Variants in MAN1B1 observed in about 807,000 individuals in gnomAD.
The protein encoded by MAN1B1 is endoplasmic reticulum mannosyl-oligosaccharide 1,2-alpha-mannosidase.
In MAN1B1, 66 loss-of-function variants were observed where a neutral mutation model predicts 75.5. The ratio of observed to expected loss-of-function variants is 0.87; its 90% CI spans 0.72 to 1.07. MAN1B1 has a LOEUF of 1.07. MAN1B1 is among the 50% of genes least tolerant of loss of function. The pLI, the probability that MAN1B1 is intolerant of heterozygous loss-of-function variation, is 0.00. For missense variants in MAN1B1, 973 were observed against 912.5 expected (o/e 1.07, Z -0.85); for synonymous variants, 453 against 382.8 (o/e 1.18, Z -2.14).
Position 137,101,512 on chromosome 9 carries a change from C to T in MAN1B1, c.1094C>T (p.Ala365Val). The change falls in exon 8 of 13, where the codon GCC becomes GTC. Residue 365 changes from alanine to valine, a missense_variant. By Grantham distance (64) the Ala-to-Val change is moderately conservative. Transcript: ENST00000371589. Reference protein sequence around the residue: ...AEDFGNRLMPAFRTPSKIPYS... With the variant: ...AEDFGNRLMPVFRTPSKIPYS... ...GATTTTGGAAATCGGCTAATGCCTG[C>T]CTTCAGAACACCATCCAAGATTCCT... 2 of 1,613,900 alleles carry T rather than the reference C, an allele frequency of 1.2e-6. No homozygotes were observed. The highest frequency in any genetic ancestry group is 2.7e-5 in the African/African-American group (2 of 75,032).
chr9:137,089,080 A>C (rs1253926048), intron 3 of MAN1B1, 75 bp downstream of exon 3: 6 of 1,565,362 alleles, frequency 3.8e-6, no homozygotes, highest in Non-Finnish European at 5.3e-6. Flanking sequence ...AAGATTGAGA[A>C]GAATTATTTT....
Position 137,108,767 on chromosome 9 carries a change from C to A in MAN1B1, c.*176C>A. On this transcript the variant is annotated 3_prime_UTR_variant, in exon 13 of 13. Coordinates refer to ENST00000371589, the MANE Select transcript of MAN1B1 (RefSeq NM_016219.5). Reference sequence around the variant, plus strand: ...AGGACACCGTGAGGACAAGTGAGGCCGTCAGTCTTGGTGTGATGCGGGGTG... The same window carrying A: ...AGGACACCGTGAGGACAAGTGAGGCAGTCAGTCTTGGTGTGATGCGGGGTG... The A allele has an allele frequency of 1.4e-6, 1 of 719,704 alleles. No homozygotes were observed. The allele number at this position is 719,704 out of a possible 1,614,324, so 44.6% of individuals were successfully genotyped here. A position where few individuals can be genotyped will look rare whatever the true frequency, so the allele number is the denominator to read the frequency against.
At chr9:137,089,088 T>G in intron 3 of MAN1B1, 83 bp downstream of exon 3, 1 of 1,547,346 alleles carries the variant, frequency 6.5e-7, no homozygotes, top group South Asian at 1.1e-5. Context: ...GAAGAATTAT[T>G]TTCCTTTACC....
At chr9:137,096,150 G>A in intron 3 of MAN1B1, 87 bp from the exon 4 acceptor site, 1 of 1,396,636 alleles carries the variant, frequency 7.2e-7, no homozygotes, top group African/African-American at 1.4e-5. Flanking sequence ...TGTGAGGTGT[G>A]GGCTGCACCT....
At position 137,102,969 on chromosome 9, in the gene MAN1B1, T is replaced by C. The variant is rs1328645156; in HGVS notation, c.1254+1297T>C. Reference sequence around the variant, plus strand: ...GTGGTGTTACACACATTCACGCTTTTGCAGGCGTGCAGGTCGGTGGTCTTA... The same window carrying C: ...GTGGTGTTACACACATTCACGCTTTCGCAGGCGTGCAGGTCGGTGGTCTTA... On this transcript the variant is annotated intron_variant, in intron 8 of 12. Transcript: ENST00000371589. 6 of 426,560 alleles carry C rather than the reference T, an allele frequency of 1.4e-5. No individual in the cohort carries two copies. In the East Asian group the frequency reaches 4.6e-4, roughly 33 times the overall value. The allele number at this position is 426,560 out of a possible 1,614,324, so 26.4% of individuals were successfully genotyped here. A position where few individuals can be genotyped will look rare whatever the true frequency, so the allele number is the denominator to read the frequency against.
At chr9:137,106,061 C>T (rs1661466775) in intron 8 of MAN1B1, 64 bp from the exon 9 acceptor site, 2 of 1,349,014 alleles carry the variant, frequency 1.5e-6, no homozygotes, top group Non-Finnish European at 1.1e-6. Context: ...CACAGAGCCC[C>T]TCTACAGCTC....
intron 7 of MAN1B1, 128 bp downstream of exon 7, chr9:137,101,281 A>T: frequency 4.5e-6 from 6 of 1,335,542 alleles, no homozygotes; most frequent in Non-Finnish European, 6.4e-6. Context: ...TCTGTTTCTG[A>T]GCTCATATTC....
chr9:137,108,540 C>T lies in MAN1B1; in HGVS notation c.2049C>T (p.Ala683=). 8 of 1,613,952 alleles carry T rather than the reference C, an allele frequency of 5.0e-6. No individual in the cohort carries two copies. The highest frequency in any genetic ancestry group is 6.8e-6 in the Non-Finnish European group (8 of 1,180,002). ...SDDPNLLSLD[A]YVFNTEAHPL... ...ACCCAAACCTGCTCAGCCTGGATGC[C>T]TACGTGTTCAACACCGAAGCCCACC... Residue 683 remains alanine (A), a synonymous_variant, in exon 13 of 13, where the codon GCC becomes GCT. Coordinates refer to ENST00000371589, the MANE Select transcript of MAN1B1 (RefSeq NM_016219.5).
rs147577332 is a variant in MAN1B1 at position 137,097,914 on chromosome 9, C to T, written c.707C>T (p.Pro236Leu). 2.5e-4 allele frequency: 394 copies of T among 1,558,944 alleles called. 1 individual carries two copies. The African/African-American group carries it at 4.1e-3, about 16-fold the overall frequency. The stretch of plus-strand genomic sequence containing the variant: ...GTGCCCACCAAGCCTCCCCTGCCAC[C>T]GGCCAGGACACAGGGCACACCAGGT... ...AEVPTKPPLP[P>L]ARTQGTPVHL... Residue 236 changes from proline to leucine, a missense_variant, in exon 5 of 13, where the codon CCG (proline) becomes CTG (leucine). Transcript: ENST00000371589.
chr9:137,108,398 G>A lies in MAN1B1; in HGVS notation c.1907G>A (p.Gly636Asp), dbSNP rs1288861869. ...CTGGCTGCTGCACAGGTCCCCTCGGGTGGCTATTCTTCCATCAACAATGTC... is the reference window on the plus strand; with the variant it reads ...CTGGCTGCTGCACAGGTCCCCTCGGATGGCTATTCTTCCATCAACAATGTC... ...SFSRFTRVPS[G>D]GYSSINNVQD... The change falls in exon 13 of 13, where the codon GGT becomes GAT. Residue 636 changes from glycine to aspartate, a missense_variant. Physicochemically the swap from Gly to Asp is moderately conservative, Grantham distance 94. Coordinates refer to ENST00000371589, the MANE Select transcript of MAN1B1 (RefSeq NM_016219.5). The A allele has an allele frequency of 1.2e-6, 2 of 1,613,546 alleles. No individual in the cohort carries two copies. The highest frequency in any genetic ancestry group is 1.7e-6 in the Non-Finnish European group (2 of 1,179,998).
intron 3 of MAN1B1, among the ~76,000 whole-genome samples, chr9:137,095,024 C>T (rs925340594): frequency 5.3e-5 from 8 of 149,846 alleles, no homozygotes; most frequent in Non-Finnish European, 1.2e-4. Context: ...CCCATTTCTA[C>T]TAAAGATACA....
intron 3 of MAN1B1, among the ~76,000 whole-genome samples, chr9:137,093,792 C>G (rs1423667574): frequency 1.7e-4 from 26 of 151,922 alleles, no homozygotes; most frequent in Admixed American, 1.7e-3. Context: ...CGAGATCGCG[C>G]CACTGCACTC....
chr9:137,088,146 ACTC>A lies in MAN1B1; in HGVS notation c.295_297del (p.Leu99del). The A allele has an allele frequency of 6.2e-7, 1 of 1,613,902 alleles. No individual in the cohort carries two copies. The highest frequency in any genetic ancestry group is 8.5e-7 in the Non-Finnish European group (1 of 1,180,006). On this transcript the variant is annotated inframe_deletion, in exon 2 of 13. Coordinates refer to ENST00000371589, the MANE Select transcript of MAN1B1 (RefSeq NM_016219.5). Reference sequence around the variant, plus strand: ...TCCTTGCCTTTCTGCTTTTCTGTGGACTCCTCTTCTACATCAACTTGGCTGACC... The same window carrying A: ...TCCTTGCCTTTCTGCTTTTCTGTGGACTCTTCTACATCAACTTGGCTGACC...
rs781106572 is a variant in MAN1B1, at chr9:137,101,777, G to GT, written c.1254+111dup. The GT allele has an allele frequency of 1.3e-5, 17 of 1,330,130 alleles. No individual in the cohort carries two copies. In the African/African-American group the frequency reaches 2.0e-4, roughly 16 times the overall value. The allele number at this position is 1,330,130 out of a possible 1,614,324, so 82.4% of individuals were successfully genotyped here. On this transcript the variant is annotated intron_variant, in intron 8 of 12. Coordinates refer to ENST00000371589, the MANE Select transcript of MAN1B1 (RefSeq NM_016219.5). ...TGTGTATGTGCATGTGTGTTTTCAG[G>GT]TTTTTTACTGTGATAAAACACACAA...
chr9:137,091,797 A>G (rs1830524636), intron 3 of MAN1B1, among the ~76,000 whole-genome samples: 2 of 150,980 alleles, frequency 1.3e-5, no homozygotes, highest in African/African-American at 2.4e-5. Context: ...AAGTGCTGGG[A>G]TTACAGGCGT....
At chr9:137,088,499 G>A (rs139457716) in intron 2 of MAN1B1, 51 of 1,319,098 alleles carry the variant, frequency 3.9e-5, no homozygotes, top group African/African-American at 1.2e-4. Flanking sequence ...ACTCATTAGC[G>A]TGTGTTTGGA....
rs145881423 is a variant in MAN1B1, at chr9:137,099,571, G to A, written c.731-125G>A. Reference sequence around the variant, plus strand: ...TGCTGTGCCCACCACCGCCCTTCCCGTCGTCCCAAACCCACCGTCATCTTT... The same window carrying A: ...TGCTGTGCCCACCACCGCCCTTCCCATCGTCCCAAACCCACCGTCATCTTT... On this transcript the variant is annotated intron_variant, in intron 5 of 12. Transcript: ENST00000371589. 3.9e-3 allele frequency: 4,079 copies of A among 1,053,682 alleles called. 80 individuals are homozygous for A. The African/African-American group carries it at 0.048, about 12-fold the overall frequency. 65.3% of individuals were successfully genotyped at this position (1,053,682 alleles called of 1,614,324 possible). A position where few individuals can be genotyped will look rare whatever the true frequency, so the allele number is the denominator to read the frequency against.
At chr9:137,096,931 A>G (rs189987742) in intron 4 of MAN1B1, among the ~76,000 whole-genome samples, 5 of 152,362 alleles carry the variant, frequency 3.3e-5, no homozygotes, top group East Asian at 3.9e-4. Context: ...TTCCCCGCAG[A>G]CGTCCTCTCT....
intron 8 of MAN1B1, chr9:137,102,507 TA>T (rs1447825767): frequency 2.4e-6 from 1 of 414,270 alleles, no homozygotes; most frequent in Non-Finnish European, 4.7e-6. Context: ...AGGTCAGTGT[TA>T]CACACATTCA....
Sources: allele counts gnomAD v4.1 joint callset (sites outside exome capture counted in the v4.1 genomes callset), GRCh38; gene constraint gnomAD v4.1.1; transcripts MANE v1.5; gene names NCBI Gene and HGNC (gene_info 2026-07-23, HGNC 2026-07-21).